COTL1: variants seen among roughly 807,000 people sequenced by gnomAD.
COTL1 encodes coactosin-like protein.
In COTL1, 15 loss-of-function variants were observed where a neutral mutation model predicts 16.5. The observed-to-expected ratio is 0.91, with a 90% CI of 0.61 to 1.40. The LOEUF is 1.40. Among genes scored for constraint, COTL1 ranks in the 40% most tolerant of loss-of-function variants. The probability of loss-of-function intolerance (pLI) is 0.00; values close to 1 mark genes in which losing one functional copy is unlikely to be tolerated. For missense variants in COTL1, 220 were observed against 201.5 expected (o/e 1.09, Z -0.56); for synonymous variants, 112 against 85.3 (o/e 1.31, Z -1.73).
intron 3 of COTL1, among the ~76,000 whole-genome samples, chr16:84,569,532 A>G (rs985029280): frequency 1.3e-5 from 2 of 152,150 alleles, no homozygotes; most frequent in Non-Finnish European, 2.9e-5. Context: ...AATTTTTATC[A>G]AGCAGCTGAT....
chr16:84,578,709 G>GCA (rs2150682702), intron 3 of COTL1, among the ~76,000 whole-genome samples: 1 of 147,952 alleles, frequency 6.8e-6, no homozygotes, highest in Admixed American at 6.7e-5. Flanking sequence ...CCACACAGGT[G>GCA]CACACACACA....
At chr16:84,587,240 G>A (rs891264524) in intron 3 of COTL1, among the ~76,000 whole-genome samples, 8 of 152,192 alleles carry the variant, frequency 5.3e-5, no homozygotes, top group Non-Finnish European at 1.0e-4. Flanking sequence ...TGTCAACCAG[G>A]AACGCTGACT....
chr16:84,605,250 G>C (rs1232543568), intron 2 of COTL1, among the ~76,000 whole-genome samples: 1 of 152,218 alleles, frequency 6.6e-6, no homozygotes, highest in Non-Finnish European at 1.5e-5. Flanking sequence ...GGTGCAGGGG[G>C]TGTCAGGAGT....
intron 3 of COTL1, among the ~76,000 whole-genome samples, chr16:84,586,929 G>A (rs1904746488): frequency 6.6e-6 from 1 of 152,152 alleles, no homozygotes; most frequent in African/African-American, 2.4e-5. Context: ...AGACAAAAGA[G>A]AATTGCAAGA....
In COTL1 at chr16:84,617,538, C is replaced by G; in HGVS notation, c.123G>C (p.Gln41His). 6.4e-7 allele frequency: 1 copy of G among 1,557,932 alleles called. No individual in the cohort carries two copies. The highest frequency in any genetic ancestry group is 8.7e-7 in the Non-Finnish European group (1 of 1,150,232). The change falls in exon 2 of 4, where the codon CAG becomes CAC. Residue 41 changes from glutamine (Q) to histidine (H), a missense_variant. Transcript: ENST00000262428. ...YDGSTIVPGE[Q>H]GAEYQHFIQQ... ...GGATGAAGTGCTGGTACTCCGCTCC[C>G]TGCTCGCCGGGGACGATGGTGGAGC...
intron 2 of COTL1, among the ~76,000 whole-genome samples, chr16:84,614,453 G>A (rs966079388): frequency 6.6e-6 from 1 of 152,084 alleles, no homozygotes; most frequent in Non-Finnish European, 1.5e-5. Context: ...GAAATGAGGA[G>A]GGGAGGCTGG....
At chr16:84,589,466 G>T (rs1437933678) in intron 3 of COTL1, among the ~76,000 whole-genome samples, 2 of 152,188 alleles carry the variant, frequency 1.3e-5, no homozygotes, top group Non-Finnish European at 2.9e-5. Context: ...GTAAGAGGGA[G>T]AGATTCCCTA....
intron 3 of COTL1, among the ~76,000 whole-genome samples, chr16:84,574,155 T>C (rs534727694): frequency 6.6e-6 from 1 of 152,244 alleles, no homozygotes; most frequent in Non-Finnish European, 1.5e-5. Flanking sequence ...AGACCTGCCA[T>C]TCACCTCTTC....
chr16:84,590,371 A>AGACC lies in COTL1; in HGVS notation c.161-113_161-110dup, dbSNP rs1567535205. On this transcript the variant is annotated intron_variant, in intron 2 of 3. Coordinates refer to ENST00000262428, the MANE Select transcript of COTL1 (RefSeq NM_021149.5). The surrounding 1 kb of genome is among the most constrained non-coding windows in gnomAD (Gnocchi z 5.5). ...AGTGCGCCTGGAGCAGCACAGCAGG[A>AGACC]GACCGGTGCAGTTCCCTGGGAGCAC... 2.5e-5 allele frequency: 32 copies of AGACC among 1,290,930 alleles called. No individual in the cohort carries two copies. The highest frequency in any genetic ancestry group is 3.4e-5 in the Non-Finnish European group (32 of 929,574). 80.0% of individuals were successfully genotyped at this position (1,290,930 alleles called of 1,614,324 possible).
chr16:84,590,145 T>A lies in COTL1; in HGVS notation c.278A>T (p.Lys93Ile). Residue 93 changes from lysine to isoleucine, a missense_variant, in exon 3 of 4, where the codon AAA (lysine) becomes ATA (isoleucine). By Grantham distance (102) the Lys-to-Ile change is moderately radical. Transcript: ENST00000262428. This position sits in a 1 kb window ranked among gnomAD's most constrained non-coding sequence, Gnocchi z 5.5. ...CACCAGGGTCTTGTCCGTCCCGGTTTTGGCGCGCTGCAGCCCGCTGACGTT... is the reference window on the plus strand; with the variant it reads ...CACCAGGGTCTTGTCCGTCCCGGTTATGGCGCGCTGCAGCCCGCTGACGTT... ...GENVSGLQRA[K>I]TGTDKTLVKE... 1 of 1,614,058 alleles carries A rather than the reference T, an allele frequency of 6.2e-7. No homozygotes were observed. The highest frequency in any genetic ancestry group is 8.5e-7 in the Non-Finnish European group (1 of 1,179,948).
rs986429594 is a variant in COTL1 at position 84,581,971 on chromosome 16, A to G, written c.318+8134T>C. ...ACAAAGAGCCTACATGAGCAGATAC[A>G]TTTCTTCTTTTTTTTTTTTTTTTTT... is the stretch of plus-strand genomic sequence containing the variant. On this transcript the variant is annotated intron_variant, in intron 3 of 3. Coordinates refer to ENST00000262428, the MANE Select transcript of COTL1 (RefSeq NM_021149.5). Among the ~76,000 whole-genome samples the G allele has an allele frequency of 4.7e-5, 6 of 128,960 alleles. No homozygotes were observed. The East Asian group carries it at 1.4e-3, about 29-fold the overall frequency. The allele number at this position is 128,960 out of a possible 152,430, so 84.6% of individuals were successfully genotyped here.
chr16:84,583,342 A>G (rs1904644229), intron 3 of COTL1, among the ~76,000 whole-genome samples: 1 of 152,158 alleles, frequency 6.6e-6, no homozygotes, highest in African/African-American at 2.4e-5. Context: ...CAATAAAACT[A>G]TTGTTATTCA....
At position 84,566,863 on chromosome 16, in the gene COTL1, G is replaced by A. The variant is rs374951200; in HGVS notation, c.411C>T (p.Tyr137=). ...GCTGGGGTTACTCCGTCTGGGCGTC[G>A]TAATTGGCTCCCCCCGCCTTCTTCA... ...SELKKAGGAN[Y]DAQTE Residue 137 remains tyrosine, a synonymous_variant, in exon 4 of 4, where the codon TAC becomes TAT. Coordinates refer to ENST00000262428, the MANE Select transcript of COTL1 (RefSeq NM_021149.5). The A allele has an allele frequency of 1.1e-5, 17 of 1,612,636 alleles. 1 individual carries two copies. Among genetic ancestry groups the A allele is most frequent in the Admixed American group, 5.0e-5 (3 of 59,956 alleles).
chr16:84,596,027 C>T (rs1045968856), intron 2 of COTL1: 13 of 152,160 alleles, frequency 8.5e-5, no homozygotes, highest in African/African-American at 2.9e-4. Flanking sequence ...AGGTTGGTAC[C>T]TGGGCTTTCC....
intron 3 of COTL1, among the ~76,000 whole-genome samples, chr16:84,571,417 A>C (rs1415714833): frequency 6.6e-6 from 1 of 152,118 alleles, no homozygotes; most frequent in Non-Finnish European, 1.5e-5. Context: ...AGAAGGGGAA[A>C]CTGAGGCTCG....
In COTL1 at chr16:84,590,104, C is replaced by T. The variant is rs1904824026; in HGVS notation, c.318+1G>A. 1.2e-6 allele frequency: 2 copies of T among 1,612,280 alleles called. No individual in the cohort carries two copies. The highest frequency in any genetic ancestry group is 1.7e-6 in the Non-Finnish European group (2 of 1,178,696). Reference sequence around the variant, plus strand: ...CTCCAGACTCTGGAGGAACTCAGTACCTGTACGACCTCCTTCACCAGGGTC... The same window carrying T: ...CTCCAGACTCTGGAGGAACTCAGTATCTGTACGACCTCCTTCACCAGGGTC... On this transcript the variant is annotated splice_donor_variant, in intron 3 of 3. Coordinates refer to ENST00000262428, the MANE Select transcript of COTL1 (RefSeq NM_021149.5). LOFTEE classifies it high-confidence loss of function. The surrounding 1 kb of genome is among the most constrained non-coding windows in gnomAD (Gnocchi z 5.5).
chr16:84,597,957 T>TCTAG (rs1905040283), intron 2 of COTL1, among the ~76,000 whole-genome samples: 1 of 152,170 alleles, frequency 6.6e-6, no homozygotes, highest in Non-Finnish European at 1.5e-5. Context: ...CTGTGCTGCC[T>TCTAG]CTAGCTCCTC....
At chr16:84,603,405 G>A (rs925321547) in intron 2 of COTL1, among the ~76,000 whole-genome samples, 1 of 152,164 alleles carries the variant, frequency 6.6e-6, no homozygotes. Context: ...ACCCGGCCGT[G>A]GGTACAACAC....
intron 3 of COTL1, among the ~76,000 whole-genome samples, chr16:84,581,429 C>T (rs910978961): frequency 6.6e-6 from 1 of 152,186 alleles, no homozygotes; most frequent in African/African-American, 2.4e-5. Flanking sequence ...GCAGCAGCCT[C>T]GTAAATCTCA....
Sources: gnomAD v4.1 joint callset for allele counts (sites outside exome capture counted in the v4.1 genomes callset) on GRCh38, gnomAD v4.1.1 for gene constraint, Gnocchi (gnomAD v3.1) non-coding constraint, MANE v1.5 for transcripts, NCBI Gene and HGNC (gene_info 2026-07-23, HGNC 2026-07-21) for gene names.